Variants in SYTL2 observed in about 807,000 individuals in gnomAD.
SYTL2 encodes synaptotagmin-like protein 2.
In SYTL2, 165 loss-of-function variants were observed where a neutral mutation model predicts 198.7. The ratio of observed to expected loss-of-function variants is 0.83; its 90% confidence interval spans 0.73 to 0.94. The LOEUF (loss-of-function observed/expected upper bound fraction) is 0.94, where lower values mean the gene tolerates loss of function less well. Ranked by LOEUF, SYTL2 falls within the 40% of genes least tolerant of loss-of-function variation. The pLI, the probability that SYTL2 is intolerant of heterozygous loss-of-function variation, is 0.00. For synonymous variants in SYTL2, 966 were observed against 917.7 expected (o/e 1.05, Z -0.95); for missense variants, 2,835 against 2,582.8 (o/e 1.10, Z -2.12).
At chr11:85,835,604 A>T in the SYTL2 span, among the ~76,000 whole-genome samples, 2 of 152,170 alleles carry the variant, frequency 1.3e-5, no homozygotes, top group African/African-American at 4.8e-5. Flanking sequence ...ATACTCAGAT[A>T]TATCCAATAA....
intron 9 of SYTL2, 22 bp downstream of exon 9, chr11:85,720,836 G>T (rs200764902): frequency 1.3e-6 from 2 of 1,555,636 alleles, no homozygotes; most frequent in Admixed American, 1.7e-5. Context: ...GGCATGAACA[G>T]TGAGGCGAAC....
the SYTL2 span, among the ~76,000 whole-genome samples, chr11:85,844,141 T>C: frequency 2.0e-5 from 3 of 152,328 alleles, no homozygotes; most frequent in South Asian, 2.1e-4. Context: ...AGTCCCCCTG[T>C]TGGTGACTCT....
intron 1 of SYTL2, among the ~76,000 whole-genome samples, chr11:85,772,059 C>T (rs192646065): frequency 3.3e-5 from 5 of 152,220 alleles, no homozygotes; most frequent in African/African-American, 2.4e-5. Context: ...TATGACACAA[C>T]GCCTGGCTAA....
intron 13 of SYTL2, 82 bp downstream of exon 13, chr11:85,711,031 C>T: frequency 1.4e-6 from 2 of 1,425,940 alleles, no homozygotes; most frequent in South Asian, 1.4e-5. Flanking sequence ...CAGGAGGAGG[C>T]TGTTTTACAA....
chr11:85,828,267 T>A, the SYTL2 span, among the ~76,000 whole-genome samples: 1 of 152,236 alleles, frequency 6.6e-6, no homozygotes, highest in African/African-American at 2.4e-5. Context: ...AAATTTTTTC[T>A]GCATATGCAA....
the SYTL2 span, among the ~76,000 whole-genome samples, chr11:85,837,801 G>C: frequency 6.6e-6 from 1 of 152,106 alleles, no homozygotes; most frequent in Non-Finnish European, 1.5e-5. Context: ...AATAATGATG[G>C]AGCACTTTAC....
At position 85,694,390 on chromosome 11, in the gene SYTL2, A is replaced by G. The variant is rs2083151859; in HGVS notation, c.*805T>C. 6.6e-6 allele frequency: 1 copy of G among 152,218 alleles called. No homozygotes were observed. The highest frequency in any genetic ancestry group is 1.9e-4 in the East Asian group (1 of 5,204). The allele number at this position is 152,218 out of a possible 1,614,324, so 9.4% of individuals were successfully genotyped here. On this transcript the variant is annotated 3_prime_UTR_variant, in exon 20 of 20. Coordinates refer to ENST00000359152, the MANE Select transcript of SYTL2 (RefSeq NM_206927.4). ...CTGAGCAACTTACATTCTAATTAAA[A>G]CTTTGTTGCAAAACATGTTTGTGAC... is the stretch of plus-strand genomic sequence containing the variant.
At chr11:85,803,428 G>C (rs2092917790) in intron 1 of SYTL2, among the ~76,000 whole-genome samples, 1 of 152,094 alleles carries the variant, frequency 6.6e-6, no homozygotes. Flanking sequence ...CTCTAGTCCT[G>C]GGTGGTGCTG....
chr11:85,707,940 T>C (rs1409805372), intron 14 of SYTL2: 2 of 158,984 alleles, frequency 1.3e-5, no homozygotes, highest in African/African-American at 8.3e-5. Flanking sequence ...AAAAACCCCA[T>C]GAGCCAGGCT....
chr11:85,712,890 G>T (rs2086570156), intron 12 of SYTL2, among the ~76,000 whole-genome samples: 1 of 151,850 alleles, frequency 6.6e-6, no homozygotes. Flanking sequence ...CTAATTTTTT[G>T]AATTTTTAGT....
At chr11:85,844,008 T>G in the SYTL2 span, among the ~76,000 whole-genome samples, 1 of 152,176 alleles carries the variant, frequency 6.6e-6, no homozygotes. Context: ...CAGTGGGTAG[T>G]TCCCAAAGTC....
intron 16 of SYTL2, among the ~76,000 whole-genome samples, chr11:85,701,761 T>C: frequency 6.6e-6 from 1 of 152,236 alleles, no homozygotes; most frequent in East Asian, 1.9e-4. Flanking sequence ...CTTCCTACTA[T>C]GATGGACTAG....
At chr11:85,852,162 T>C in the SYTL2 span, among the ~76,000 whole-genome samples, 1 of 152,284 alleles carries the variant, frequency 6.6e-6, no homozygotes, top group Admixed American at 6.5e-5. Flanking sequence ...TAACACAGCA[T>C]GAATAAAAAA....
chr11:85,753,836 T>A (rs1284773034), intron 2 of SYTL2, among the ~76,000 whole-genome samples: 1 of 150,128 alleles, frequency 6.7e-6, no homozygotes, highest in Non-Finnish European at 1.5e-5. Flanking sequence ...GTATCTTGAA[T>A]GAGCTTGGCT....
At chr11:85,722,703 A>G in intron 8 of SYTL2, among the ~76,000 whole-genome samples, 1 of 151,868 alleles carries the variant, frequency 6.6e-6, no homozygotes, top group East Asian at 1.9e-4. Flanking sequence ...TTATTAATTA[A>G]TTAAATTTAT....
rs992621866 is a variant in SYTL2, at chr11:85,756,665, C to T, written c.101+960G>A. Among the ~76,000 whole-genome samples the T allele has an allele frequency of 2.7e-4, 41 of 152,150 alleles. 1 individual carries two copies. Among genetic ancestry groups the T allele is most frequent in the Non-Finnish European group, 5.9e-5 (4 of 68,026 alleles). ...AATGGGCATGTTAAGCCCTTTGCAA[C>T]TTGTTAAATACTGTCTATATAGAAG... On this transcript the variant is annotated intron_variant, in intron 2 of 19. Coordinates refer to ENST00000359152, the MANE Select transcript of SYTL2 (RefSeq NM_206927.4).
At chr11:85,820,189 TTTTA>T in the SYTL2 span, among the ~76,000 whole-genome samples, 7 of 152,242 alleles carry the variant, frequency 4.6e-5, no homozygotes, top group Non-Finnish European at 8.8e-5. Context: ...AATCTCACAT[TTTTA>T]TTTAACACTA....
At chr11:85,747,722 T>C (rs1033374343) in intron 3 of SYTL2, among the ~76,000 whole-genome samples, 4 of 152,210 alleles carry the variant, frequency 2.6e-5, no homozygotes, top group Non-Finnish European at 5.9e-5. Flanking sequence ...AGATGCTGTG[T>C]CAGCTACTAC....
intron 1 of SYTL2, among the ~76,000 whole-genome samples, chr11:85,805,406 G>A (rs527726053): frequency 6.6e-6 from 1 of 152,104 alleles, no homozygotes; most frequent in Non-Finnish European, 1.5e-5. Flanking sequence ...ACCAACAGTG[G>A]TAAAGAATCT....
Sources: allele counts gnomAD v4.1 joint callset (sites outside exome capture counted in the v4.1 genomes callset), GRCh38; gene constraint gnomAD v4.1.1; transcripts MANE v1.5; gene names NCBI Gene and HGNC (gene_info 2026-07-23, HGNC 2026-07-21).